The following LARP1 variants were observed in gnomAD, a reference collection of about 807,000 sequenced individuals.
LARP1 encodes la-related protein 1.
LARP1 carries 36 observed loss-of-function variants against 122.7 expected under a neutral mutation model. The ratio of observed to expected loss-of-function variants is 0.29; its 90% CI spans 0.22 to 0.39. The LOEUF is 0.39. Ranked by LOEUF, LARP1 falls within the 10% of genes least tolerant of loss-of-function variation. The pLI is 1.00. For synonymous variants in LARP1, 539 were observed against 528.7 expected (o/e 1.02, Z -0.27); for missense variants, 1,040 against 1,403.6 (o/e 0.74, Z 4.14).
chr5:154,773,703 T>G (rs186880020), intron 1 of LARP1, among the ~76,000 whole-genome samples: 1 of 152,300 alleles, frequency 6.6e-6, no homozygotes, highest in African/African-American at 2.4e-5. Context: ...TGGAACTACT[T>G]GAAGTACAAA....
intron 1 of LARP1, among the ~76,000 whole-genome samples, chr5:154,741,172 C>T (rs1752863580): frequency 6.6e-6 from 1 of 152,194 alleles, no homozygotes; most frequent in Non-Finnish European, 1.5e-5. Context: ...TGCAACACGC[C>T]AGGCTCACTC....
chr5:154,744,511 T>C (rs1056385851), intron 1 of LARP1, among the ~76,000 whole-genome samples: 4 of 151,778 alleles, frequency 2.6e-5, no homozygotes, highest in African/African-American at 7.3e-5. Flanking sequence ...TAAAAAATAC[T>C]GTGTGGACCA....
intron 1 of LARP1, among the ~76,000 whole-genome samples, chr5:154,714,464 G>A (rs913354429): frequency 6.6e-6 from 1 of 152,216 alleles, no homozygotes; most frequent in Admixed American, 6.5e-5. Flanking sequence ...ACGACTCGTG[G>A]GATGGGAACC....
At position 154,767,549 on chromosome 5, in the gene LARP1, A is replaced by T. The variant is rs146533143; in HGVS notation, c.436+11356A>T. Among the ~76,000 whole-genome samples the T allele has an allele frequency of 2.6e-4, 40 of 152,300 alleles. No homozygotes were observed. In the East Asian group the frequency reaches 7.5e-3, roughly 29 times the overall value. ...ATATTGAAGTGGAATTTAAGGACTCACTGGGGACCATAATCTTGACAGTGA... is the reference window on the plus strand; with the variant it reads ...ATATTGAAGTGGAATTTAAGGACTCTCTGGGGACCATAATCTTGACAGTGA... On this transcript the variant is annotated intron_variant, in intron 1 of 18. Coordinates refer to ENST00000518297, the MANE Select transcript of LARP1 (RefSeq NM_033551.3).
intron 1 of LARP1, among the ~76,000 whole-genome samples, chr5:154,717,589 C>T (rs1429125137): frequency 6.6e-6 from 1 of 152,208 alleles, no homozygotes; most frequent in Non-Finnish European, 1.5e-5. Context: ...TGGTGTTATT[C>T]ACTCTCTGTC....
upstream of LARP1, among the ~76,000 whole-genome samples, chr5:154,709,591 C>T (rs1755113252): frequency 7.1e-6 from 1 of 141,696 alleles, no homozygotes; most frequent in Non-Finnish European, 1.5e-5. Context: ...AGAAGCTCTC[C>T]AGTGAGATTT....
At chr5:154,734,864 T>C (rs1170419569) in intron 1 of LARP1, among the ~76,000 whole-genome samples, 6 of 152,206 alleles carry the variant, frequency 3.9e-5, no homozygotes, top group Non-Finnish European at 8.8e-5. Context: ...AGCATTCCAC[T>C]TTCTGTTTCT....
intron 15 of LARP1, 37 bp downstream of exon 15, chr5:154,806,069 C>T: frequency 3.7e-6 from 6 of 1,604,324 alleles, no homozygotes; most frequent in Middle Eastern, 1.7e-4. Flanking sequence ...AGCCTCTGGG[C>T]CCGTTATTTA....
At chr5:154,693,811 G>A (rs57658062) in intron 1 of LARP1, among the ~76,000 whole-genome samples, 2 of 150,228 alleles carry the variant, frequency 1.3e-5, no homozygotes, top group Admixed American at 6.7e-5. Flanking sequence ...AGCCGAGATC[G>A]CGCCACTGCA....
At position 154,750,248 on chromosome 5, in the gene LARP1, G is replaced by A. The variant is rs139454556; in HGVS notation, c.205+37118G>A. Among the ~76,000 whole-genome samples, 688 of 151,968 alleles carry A rather than the reference G, an allele frequency of 4.5e-3. 1 individual carries two copies. Among genetic ancestry groups the A allele is most frequent in the African/African-American group, 0.016 (649 of 41,442 alleles). On this transcript the variant is annotated intron_variant, in intron 1 of 18. Transcript: ENST00000336314. Reference sequence around the variant, plus strand: ...CTATTCCCCAGGCTGGGGTGCAGTGGTGCAATCATGGCTCACTGCAGTCTC... The same window carrying A: ...CTATTCCCCAGGCTGGGGTGCAGTGATGCAATCATGGCTCACTGCAGTCTC...
At chr5:154,756,828 C>T (rs1561570547) in intron 1 of LARP1, among the ~76,000 whole-genome samples, 2 of 152,196 alleles carry the variant, frequency 1.3e-5, no homozygotes, top group South Asian at 2.1e-4. Flanking sequence ...TGGTTTCCCT[C>T]CCCGATCCCG....
intron 1 of LARP1, among the ~76,000 whole-genome samples, chr5:154,780,549 A>G (rs1756340331): frequency 6.6e-6 from 1 of 152,138 alleles, no homozygotes. Context: ...CAAGAACTTG[A>G]TGTTCCAGTG....
chr5:154,742,246 C>T (rs1011930955), intron 1 of LARP1, among the ~76,000 whole-genome samples: 4 of 152,052 alleles, frequency 2.6e-5, no homozygotes, highest in Non-Finnish European at 4.4e-5. Context: ...GGCAACATGA[C>T]GAAACCCTTT....
chr5:154,729,390 G>A, intron 1 of LARP1: 1 of 327,668 alleles, frequency 3.1e-6, no homozygotes, highest in Non-Finnish European at 5.9e-6. Flanking sequence ...CCCCACAAAT[G>A]TTACCATGGC....
chr5:154,761,304 G>T (rs1394906045), intron 1 of LARP1, among the ~76,000 whole-genome samples: 1 of 152,184 alleles, frequency 6.6e-6, no homozygotes, highest in Non-Finnish European at 1.5e-5. Context: ...CCTTTGGGAG[G>T]TAGAGGGTAG....
intron 1 of LARP1, among the ~76,000 whole-genome samples, chr5:154,770,494 G>C (rs999582208): frequency 2.6e-5 from 4 of 151,974 alleles, no homozygotes; most frequent in African/African-American, 9.7e-5. Context: ...CTCCCTCCCT[G>C]CCCATCCCTG....
chr5:154,779,092 A>G (rs1165407686), intron 1 of LARP1, among the ~76,000 whole-genome samples: 1 of 152,150 alleles, frequency 6.6e-6, no homozygotes, highest in Admixed American at 6.5e-5. Flanking sequence ...AAAAATAATT[A>G]CCATGCATTT....
chr5:154,727,637 A>G (rs565994202), intron 1 of LARP1, among the ~76,000 whole-genome samples: 1 of 152,292 alleles, frequency 6.6e-6, no homozygotes, highest in Non-Finnish European at 1.5e-5. Context: ...ATGCTAAGAG[A>G]GTGAATGTTG....
At chr5:154,684,544 CT>C (rs1460745000) in intron 1 of LARP1, among the ~76,000 whole-genome samples, 2 of 152,134 alleles carry the variant, frequency 1.3e-5, no homozygotes, top group Non-Finnish European at 2.9e-5. Context: ...TTGCAGGCCC[CT>C]AGACCCTCCT....
Sources: allele counts gnomAD v4.1 joint callset (sites outside exome capture counted in the v4.1 genomes callset), GRCh38; gene constraint gnomAD v4.1.1; transcripts MANE v1.5; gene names NCBI Gene and HGNC (gene_info 2026-07-23, HGNC 2026-07-21).